HAUS8: variants seen among roughly 807,000 people sequenced by gnomAD.
HAUS8 encodes the protein HAUS augmin-like complex subunit 8.
Under a neutral mutation model 42.9 loss-of-function variants are expected in HAUS8, and 38 were observed. The observed-to-expected ratio is 0.89, with a 90% CI of 0.68 to 1.16. The LOEUF (loss-of-function observed/expected upper bound fraction) is 1.16, where lower values mean the gene tolerates loss of function less well. Among genes scored for constraint, HAUS8 ranks in the 50% most tolerant of loss-of-function variants. HAUS8 has a pLI of 0.00. For synonymous variants in HAUS8, 199 were observed against 205.8 expected (o/e 0.97, Z 0.28); for missense variants, 494 against 511.6 (o/e 0.97, Z 0.33).
At chr19:17,062,874 T>G (rs2057369297) in intron 3 of HAUS8, 95 bp from the exon 4 acceptor site, 2 of 893,284 alleles carry the variant, frequency 2.2e-6, no homozygotes, top group East Asian at 4.9e-5. Flanking sequence ...GTAACTGCTC[T>G]TACTTTGAGG....
chr19:17,066,030 A>G (rs563855632), intron 3 of HAUS8, among the ~76,000 whole-genome samples: 7 of 151,422 alleles, frequency 4.6e-5, no homozygotes, highest in Admixed American at 3.3e-4. Context: ...GCAGTGGCTC[A>G]CTGCAGACTC....
At chr19:17,073,428 GC>G in intron 1 of HAUS8, 93 bp from the exon 2 acceptor site, 1 of 1,181,482 alleles carries the variant, frequency 8.5e-7, no homozygotes, top group Non-Finnish European at 1.3e-6. Flanking sequence ...AGCTCAGACA[GC>G]CCAGTCCAAG....
chr19:17,074,907 C>T (rs948603538), intron 1 of HAUS8: 1 of 162,454 alleles, frequency 6.2e-6, no homozygotes, highest in African/African-American at 2.4e-5. Context: ...GTCACTTCCC[C>T]TCCCTGGGTC....
At position 17,075,444 on chromosome 19, in the gene HAUS8, G is replaced by GCCCGA; in HGVS notation, c.-27_-23dup. On this transcript the variant is annotated 5_prime_UTR_variant, in exon 1 of 11. Transcript: ENST00000253669. Reference sequence around the variant, plus strand: ...CCATTTTCCCGCCTTCCACCTCAAGGCCCGACCCGCCGGCTTTTCAAAGCC... The same window carrying GCCCGA: ...CCATTTTCCCGCCTTCCACCTCAAGGCCCGACCCGACCCGCCGGCTTTTCAAAGCC... 6.2e-7 allele frequency: 1 copy of GCCCGA among 1,613,142 alleles called. No homozygotes were observed. Among genetic ancestry groups the GCCCGA allele is most frequent in the Non-Finnish European group, 8.5e-7 (1 of 1,179,742 alleles).
At chr19:17,070,843 G>A (rs1568642504) in intron 2 of HAUS8, among the ~76,000 whole-genome samples, 2 of 152,314 alleles carry the variant, frequency 1.3e-5, no homozygotes, top group Non-Finnish European at 2.9e-5. Context: ...GCCAAGGCAG[G>A]CGGATCACCT....
At chr19:17,050,667 G>A (rs1008967393) in intron 10 of HAUS8, among the ~76,000 whole-genome samples, 13 of 151,968 alleles carry the variant, frequency 8.6e-5, no homozygotes, top group African/African-American at 2.4e-4. Flanking sequence ...AGGCTGAGGC[G>A]GGCAGATCGC....
chr19:17,053,664 CTTT>C (rs34414452), intron 9 of HAUS8: 28 of 135,886 alleles, frequency 2.1e-4, no homozygotes, highest in African/African-American at 2.7e-4. Flanking sequence ...TTCTTTTTTT[CTTT>C]TTTTTTTTTT....
chr19:17,058,967 G>T, intron 6 of HAUS8, 91 bp from the exon 7 acceptor site: 1 of 1,017,244 alleles, frequency 9.8e-7, no homozygotes, highest in Non-Finnish European at 1.5e-6. Flanking sequence ...GGCTTGTGTG[G>T]ATTTTCTGTA....
chr19:17,049,879 C>G lies in HAUS8; in HGVS notation c.1227G>C (p.Leu409Phe), dbSNP rs746724013. Residue 409 changes from leucine to phenylalanine, a missense_variant, in exon 11 of 11, where the codon TTG becomes TTC. Transcript: ENST00000253669. ...TCCTGAATGTAACCATGAGTCATGA[C>G]AAGTCCCTCCCTGAACGAGAGAGAG... Reference protein sequence around the residue: ...PPSLSRSGRDLS With the variant: ...PPSLSRSGRDFS The G allele has an allele frequency of 6.7e-7, 1 of 1,486,712 alleles. No homozygotes were observed. Among genetic ancestry groups the G allele is most frequent in the East Asian group, 2.4e-5 (1 of 41,236 alleles). The allele number at this position is 1,486,712 out of a possible 1,614,324, so 92.1% of individuals were successfully genotyped here.
intron 9 of HAUS8, 130 bp from the exon 10 acceptor site, chr19:17,053,096 G>A: frequency 9.5e-7 from 1 of 1,048,186 alleles, no homozygotes; most frequent in Non-Finnish European, 1.4e-6. Context: ...GAGCGCACAG[G>A]GAAGAAGCAG....
chr19:17,069,086 C>T lies in HAUS8; in HGVS notation c.92G>A (p.Gly31Asp). 6.2e-7 allele frequency: 1 copy of T among 1,612,800 alleles called. No individual in the cohort carries two copies. The highest frequency in any genetic ancestry group is 1.1e-5 in the South Asian group (1 of 90,804). ...ATACCGGGACTCAATCACTCTTCCA[C>T]CTGTGGGGACACACTGTTGGTGCAC... The part of the protein sequence containing the change: ...SAKKKDKRVQ[G>D]GRVIESRYLQ... The change falls in exon 3 of 11, where the codon GGT (glycine) becomes GAT (aspartate). Residue 31 changes from glycine to aspartate, a missense_variant and splice_region_variant. Transcript: ENST00000253669.
chr19:17,065,085 G>A (rs2057379982), intron 3 of HAUS8, among the ~76,000 whole-genome samples: 1 of 152,198 alleles, frequency 6.6e-6, no homozygotes, highest in South Asian at 2.1e-4. Flanking sequence ...ATAAGCACAT[G>A]AAAAGATGCT....
chr19:17,050,877 G>A (rs12461016), intron 10 of HAUS8, among the ~76,000 whole-genome samples: 64,116 of 150,952 alleles, frequency 0.42, 13,877 homozygotes, highest in South Asian at 0.58. Context: ...CAACCTGGGC[G>A]ACAAAGTGAG....
intron 10 of HAUS8, 104 bp from the exon 11 acceptor site, chr19:17,050,280 C>T (rs2057279353): frequency 2.4e-6 from 2 of 828,058 alleles, no homozygotes; most frequent in Non-Finnish European, 3.4e-6. Flanking sequence ...TTTTCACATG[C>T]CCTACGTGCT....
At chr19:17,060,942 A>T (rs1044128830) in intron 4 of HAUS8, among the ~76,000 whole-genome samples, 22 of 152,216 alleles carry the variant, frequency 1.4e-4, no homozygotes, top group African/African-American at 4.1e-4. Context: ...TTTCATGAAC[A>T]ACTATGCAGC....
chr19:17,054,016 G>A (rs745494432), intron 9 of HAUS8, among the ~76,000 whole-genome samples: 1 of 152,020 alleles, frequency 6.6e-6, no homozygotes, highest in Admixed American at 6.6e-5. Flanking sequence ...ACGTGAGGAC[G>A]GGCAGAGAAT....
At chr19:17,075,226 G>A (rs1164775947) in intron 1 of HAUS8, 168 bp downstream of exon 1, 4 of 725,792 alleles carry the variant, frequency 5.5e-6, no homozygotes, top group East Asian at 5.5e-5. Flanking sequence ...TCAGCGCTCC[G>A]GAGCATGCGC....
At chr19:17,072,473 G>A (rs1313907035) in intron 2 of HAUS8, among the ~76,000 whole-genome samples, 1 of 150,184 alleles carries the variant, frequency 6.7e-6, no homozygotes, top group African/African-American at 2.5e-5. Flanking sequence ...CTCCTGAGTA[G>A]CTGGGATTAC....
intron 8 of HAUS8, among the ~76,000 whole-genome samples, chr19:17,057,826 G>A (rs1172604614): frequency 6.6e-6 from 1 of 152,136 alleles, no homozygotes; most frequent in Admixed American, 6.5e-5. Flanking sequence ...GAGGTGATAG[G>A]GGGGTTGTAG....
Sources: allele counts gnomAD v4.1 joint callset (sites outside exome capture counted in the v4.1 genomes callset), GRCh38; gene constraint gnomAD v4.1.1; transcripts MANE v1.5; gene names NCBI Gene and HGNC (gene_info 2026-07-23, HGNC 2026-07-21).